The following SLC39A11 variants were observed in gnomAD, a reference collection of about 807,000 sequenced individuals.
The protein encoded by SLC39A11 is zinc transporter ZIP11.
A neutral mutation model predicts 36.1 loss-of-function variants in SLC39A11; 33 were observed. The observed-to-expected ratio is 0.91, with a 90% CI of 0.69 to 1.22. The LOEUF is 1.22. Ranked by LOEUF, SLC39A11 falls within the 50% of genes most tolerant of loss-of-function variation. The pLI is 0.00. For synonymous variants in SLC39A11, 166 were observed against 170.3 expected (o/e 0.97, Z 0.20); for missense variants, 432 against 430.3 (o/e 1.00, Z -0.03).
chr17:72,699,147 A>G (rs1295020500), intron 7 of SLC39A11, among the ~76,000 whole-genome samples: 2 of 152,060 alleles, frequency 1.3e-5, no homozygotes, highest in African/African-American at 4.8e-5. Flanking sequence ...GTTCTTTGGG[A>G]GGGGACCGAA....
intron 7 of SLC39A11, among the ~76,000 whole-genome samples, chr17:72,717,344 C>T (rs766718195): frequency 4.6e-5 from 7 of 152,042 alleles, no homozygotes; most frequent in Non-Finnish European, 8.8e-5. Flanking sequence ...TGATGAAGTA[C>T]CACAGGGATT....
At chr17:73,077,571 G>A (rs1236384427) in intron 3 of SLC39A11, among the ~76,000 whole-genome samples, 6 of 152,228 alleles carry the variant, frequency 3.9e-5, no homozygotes, top group African/African-American at 1.2e-4. Flanking sequence ...CAAGTGATCC[G>A]CCTGCCTCCG....
intron 6 of SLC39A11, chr17:72,838,195 A>G: frequency 2.5e-6 from 1 of 395,928 alleles, no homozygotes. Context: ...ATATACTAAA[A>G]CCACTGAATT....
At chr17:72,976,645 T>A (rs1405308121) in intron 4 of SLC39A11, among the ~76,000 whole-genome samples, 1 of 152,196 alleles carries the variant, frequency 6.6e-6, no homozygotes, top group Non-Finnish European at 1.5e-5. Context: ...GGTCAGGAGA[T>A]CGAGACCATC....
At chr17:73,067,807 T>C (rs2060041021) in intron 3 of SLC39A11, 6 of 1,438,186 alleles carry the variant, frequency 4.2e-6, no homozygotes, top group Non-Finnish European at 5.8e-6. Flanking sequence ...ATCACAACTT[T>C]TCAGAGCTGT....
intron 4 of SLC39A11, among the ~76,000 whole-genome samples, chr17:72,972,209 G>A (rs189353510): frequency 9.9e-5 from 15 of 152,206 alleles, no homozygotes; most frequent in East Asian, 9.6e-4. Context: ...TGGTGTTACC[G>A]CTTTCTCCCT....
intron 3 of SLC39A11, among the ~76,000 whole-genome samples, chr17:73,082,126 G>GAAAAAAAAAAAAAAAA (rs1226809670): frequency 5.9e-5 from 7 of 117,876 alleles, no homozygotes; most frequent in Admixed American, 9.7e-5. Flanking sequence ...TAAAAAAAAA[G>GAAAAAAAAAAAAAAAA]AAAAAAAAAA....
chr17:72,819,395 T>C (rs545631196), intron 6 of SLC39A11, among the ~76,000 whole-genome samples: 4 of 151,460 alleles, frequency 2.6e-5, no homozygotes, highest in African/African-American at 9.6e-5. Flanking sequence ...ATGCCTGGCC[T>C]CCAGAACTGT....
chr17:73,087,315 G>A (rs1211199413), intron 2 of SLC39A11, among the ~76,000 whole-genome samples: 2 of 152,158 alleles, frequency 1.3e-5, no homozygotes, highest in Non-Finnish European at 2.9e-5. Flanking sequence ...GGATTTTATT[G>A]TTGAAATCAA....
chr17:72,828,192 C>A (rs1457582271), intron 6 of SLC39A11, among the ~76,000 whole-genome samples: 1 of 152,176 alleles, frequency 6.6e-6, no homozygotes, highest in Non-Finnish European at 1.5e-5. Context: ...GCAGGGAAAA[C>A]TGGGGCTGCA....
intron 3 of SLC39A11, among the ~76,000 whole-genome samples, chr17:73,065,689 C>T (rs2059978170): frequency 6.6e-6 from 1 of 152,200 alleles, no homozygotes; most frequent in South Asian, 2.1e-4. Context: ...CAAATCCTTT[C>T]CTCTCAGCAG....
intron 6 of SLC39A11, among the ~76,000 whole-genome samples, chr17:72,758,226 T>C (rs187549471): frequency 2.0e-4 from 30 of 152,272 alleles, no homozygotes; most frequent in African/African-American, 7.2e-4. Flanking sequence ...TAATCATGGA[T>C]TGGATCAATT....
At chr17:72,920,675 A>C in intron 5 of SLC39A11, among the ~76,000 whole-genome samples, 2 of 105,904 alleles carry the variant, frequency 1.9e-5, no homozygotes, top group African/African-American at 3.9e-5. Context: ...ACACAAACAC[A>C]CTTCTCACCC....
At chr17:72,658,622 G>A (rs915347529) in intron 7 of SLC39A11, among the ~76,000 whole-genome samples, 9 of 152,272 alleles carry the variant, frequency 5.9e-5, no homozygotes, top group African/African-American at 2.2e-4. Flanking sequence ...GATTGTTAAG[G>A]TAGAAAAAGG....
chr17:72,782,631 T>C lies in SLC39A11; in HGVS notation c.602-45912A>G, dbSNP rs1448158177. Among the ~76,000 whole-genome samples the C allele has an allele frequency of 3.7e-5, 5 of 134,790 alleles. No homozygotes were observed. In the Admixed American group the frequency reaches 4.5e-4, roughly 12 times the overall value. 88.4% of individuals were successfully genotyped at this position (134,790 alleles called of 152,430 possible). ...TTGAACTGGGAGATGGAGGTTGTAATGAGCTGAGGTTGCATCACTTCACTC... is the reference window on the plus strand; with the variant it reads ...TTGAACTGGGAGATGGAGGTTGTAACGAGCTGAGGTTGCATCACTTCACTC... On this transcript the variant is annotated intron_variant, in intron 6 of 9. Transcript: ENST00000255559.
intron 4 of SLC39A11, among the ~76,000 whole-genome samples, chr17:73,021,958 C>T (rs1598889477): frequency 6.6e-6 from 1 of 152,200 alleles, no homozygotes; most frequent in Admixed American, 6.5e-5. Flanking sequence ...TGTGTGTGCG[C>T]GCGTGTTCGT....
intron 3 of SLC39A11, among the ~76,000 whole-genome samples, chr17:73,038,116 CG>C (rs2058983433): frequency 6.6e-6 from 1 of 151,754 alleles, no homozygotes; most frequent in Non-Finnish European, 1.5e-5. Context: ...CCCAGCTACT[CG>C]GGAGGCTGAG....
intron 3 of SLC39A11, among the ~76,000 whole-genome samples, chr17:73,061,636 G>A (rs763099842): frequency 7.2e-5 from 11 of 152,148 alleles, no homozygotes; most frequent in African/African-American, 1.2e-4. Flanking sequence ...AACATTAAGC[G>A]TAGACTCATA....
At chr17:72,761,894 G>A (rs913854455) in intron 6 of SLC39A11, among the ~76,000 whole-genome samples, 4 of 152,208 alleles carry the variant, frequency 2.6e-5, no homozygotes, top group African/African-American at 9.6e-5. Flanking sequence ...CCCATAAAGA[G>A]GAGGAAAGAA....
Sources: gnomAD v4.1 joint callset for allele counts (sites outside exome capture counted in the v4.1 genomes callset) on GRCh38, gnomAD v4.1.1 for gene constraint, MANE v1.5 for transcripts, NCBI Gene and HGNC (gene_info 2026-07-23, HGNC 2026-07-21) for gene names.